Variants in FRMD7 observed in about 807,000 individuals in gnomAD.
The protein encoded by FRMD7 is FERM domain containing 7.
Under a neutral mutation model 44.1 loss-of-function variants are expected in FRMD7, and 14 were observed. That is an observed-to-expected ratio of 0.32 (90% CI 0.21 to 0.50). The LOEUF is 0.50. FRMD7 is among the 20% of genes least tolerant of loss of function. The pLI is 0.99. For synonymous variants in FRMD7, 212 were observed against 187.4 expected (o/e 1.13, Z -1.07); for missense variants, 501 against 522.3 (o/e 0.96, Z 0.40).
At chrX:132,127,485 A>G (rs1602844382) in intron 1 of FRMD7, among the ~76,000 whole-genome samples, 1 of 112,373 alleles carries the variant, frequency 8.9e-6, no homozygotes, top group East Asian at 2.8e-4. Context: ...ATGAACAACA[A>G]TACCTTATTG....
At chrX:132,122,381 C>T (rs1370573359) in intron 1 of FRMD7, among the ~76,000 whole-genome samples, 2 of 111,767 alleles carry the variant, frequency 1.8e-5, no homozygotes, top group African/African-American at 6.5e-5. Flanking sequence ...TGTATTTTTC[C>T]TTCCATAATC....
chrX:132,096,758 T>C lies in FRMD7; in HGVS notation c.284+508A>G, dbSNP rs149784671. On this transcript the variant is annotated intron_variant, in intron 4 of 11. Transcript: ENST00000298542. ...AAAAGTGTAAGTCTAGAAAGTAGAG[T>C]AAGGTTTTGAGGAATGTTTTGTTGA... Among the ~76,000 whole-genome samples the C allele has an allele frequency of 5.8e-3, 614 of 105,818 alleles. 5 individuals carry two copies. The highest frequency in any genetic ancestry group is 0.02 in the African/African-American group (590 of 29,026). 91.9% of individuals were successfully genotyped at this position (105,818 alleles called of 115,157 possible). A position where few individuals can be genotyped will look rare whatever the true frequency, so the allele number is the denominator to read the frequency against.
At chrX:132,126,723 T>A (rs1226309441) in intron 1 of FRMD7, among the ~76,000 whole-genome samples, 2 of 111,911 alleles carry the variant, frequency 1.8e-5, no homozygotes, top group African/African-American at 6.5e-5. Context: ...CAAGAAAGAA[T>A]AGGAAATGCC....
chrX:132,122,968 T>C (rs1929072310), intron 1 of FRMD7, among the ~76,000 whole-genome samples: 1 of 111,716 alleles, frequency 9.0e-6, no homozygotes, highest in South Asian at 3.7e-4. Context: ...AACTTTGACC[T>C]CCAGTCACTG....
intron 1 of FRMD7, among the ~76,000 whole-genome samples, chrX:132,125,674 A>T (rs1472423782): frequency 8.9e-6 from 1 of 112,328 alleles, no homozygotes; most frequent in East Asian, 2.8e-4. Context: ...TTCAACCATG[A>T]TTAAGAAAAG....
chrX:132,078,164 T>A lies in FRMD7; in HGVS notation c.1853A>T (p.His618Leu), dbSNP rs1374041967. ...CATATCCGTAAACAGGTCTGCTTTATGACTGAGAGCAGGACAAGGCCCTAA... is the reference window on the plus strand; with the variant it reads ...CATATCCGTAAACAGGTCTGCTTTAAGACTGAGAGCAGGACAAGGCCCTAA... The part of the protein sequence containing the change: ...RPLGPCPALS[H>L]KADLFTDMFA... Residue 618 changes from histidine (H) to leucine (L), a missense_variant, in exon 12 of 12, where the codon CAT becomes CTT. This residue lies in a region of FRMD7 where 453 missense variants were observed against 452.7 expected (regional missense o/e 1.00). Transcript: ENST00000298542. 14 of 1,209,825 alleles carry A rather than the reference T, an allele frequency of 1.2e-5. No individual in the cohort carries two copies. The highest frequency in any genetic ancestry group is 1.5e-5 in the Non-Finnish European group (13 of 894,823).
intron 1 of FRMD7, among the ~76,000 whole-genome samples, chrX:132,112,142 A>G (rs759863667): frequency 7.3e-4 from 82 of 112,258 alleles, no homozygotes; most frequent in African/African-American, 2.5e-3. Context: ...GAAAGTTTGC[A>G]CTCAGTAAAT....
chrX:132,079,077 T>C (rs1927724737), intron 11 of FRMD7, 111 bp from the exon 12 acceptor site: 1 of 635,883 alleles, frequency 1.6e-6, no homozygotes, highest in Non-Finnish European at 2.6e-6. Flanking sequence ...ATAAAGTCAT[T>C]TAACAAGATC....
intron 10 of FRMD7, 23 bp downstream of exon 10, chrX:132,080,175 G>T: frequency 8.5e-7 from 1 of 1,172,430 alleles, no homozygotes; most frequent in Non-Finnish European, 1.2e-6. Flanking sequence ...ATCAACACGA[G>T]CAAGAGAAAC....
rs994669070 is a variant in FRMD7, at chrX:132,080,066, A to G, written c.990T>C (p.Ser330=). The change falls in exon 11 of 12, where the codon TCT becomes TCC. Residue 330 remains serine, a synonymous_variant. Coordinates refer to ENST00000298542, the MANE Select transcript of FRMD7 (RefSeq NM_194277.3). ...SLPFERKHYP[S]QYHERQCRSS... is the part of the protein sequence containing the mutation. Reference sequence around the variant, plus strand: ...ACCTGCACTGTCGTTCATGGTACTGAGATGGGTAATGTTTCCTGAAATCCC... The same window carrying G: ...ACCTGCACTGTCGTTCATGGTACTGGGATGGGTAATGTTTCCTGAAATCCC... The G allele has an allele frequency of 2.2e-5, 26 of 1,196,493 alleles. No individual in the cohort carries two copies. The highest frequency in any genetic ancestry group is 2.8e-5 in the Non-Finnish European group (25 of 882,959).
chrX:132,113,459 T>C (rs753442028), intron 1 of FRMD7, among the ~76,000 whole-genome samples: 1 of 110,771 alleles, frequency 9.0e-6, no homozygotes, highest in Non-Finnish European at 1.9e-5. Flanking sequence ...GACCTGGGAG[T>C]GGAACCCAGG....
At chrX:132,103,080 C>T (rs1038467139) in intron 1 of FRMD7, among the ~76,000 whole-genome samples, 4 of 111,670 alleles carry the variant, frequency 3.6e-5, no homozygotes, top group Non-Finnish European at 5.6e-5. Flanking sequence ...AGCTTTCCAC[C>T]CCATCTCCGC....
At chrX:132,086,819 C>T (rs1928007155) in intron 5 of FRMD7, among the ~76,000 whole-genome samples, 1 of 111,918 alleles carries the variant, frequency 8.9e-6, no homozygotes, top group African/African-American at 3.2e-5. Context: ...CCATCCTGAT[C>T]ATATATTATC....
chrX:132,118,439 A>G (rs1440586920), intron 1 of FRMD7, among the ~76,000 whole-genome samples: 1 of 109,747 alleles, frequency 9.1e-6, no homozygotes, highest in Admixed American at 9.7e-5. Context: ...AAAAAAACTC[A>G]GCAAAGGGAG....
intron 1 of FRMD7, among the ~76,000 whole-genome samples, chrX:132,115,631 A>G (rs1019668124): frequency 2.0e-4 from 23 of 112,279 alleles, no homozygotes; most frequent in African/African-American, 7.1e-4. Context: ...TACACTCCCA[A>G]TGCAAGATCT....
intron 4 of FRMD7, among the ~76,000 whole-genome samples, chrX:132,095,450 A>C (rs1212010580): frequency 1.8e-5 from 2 of 111,578 alleles, no homozygotes; most frequent in African/African-American, 6.5e-5. Context: ...TTCCCTATAA[A>C]AATGTGATTT....
At chrX:132,096,557 A>C (rs1320016842) in intron 4 of FRMD7, among the ~76,000 whole-genome samples, 1 of 106,760 alleles carries the variant, frequency 9.4e-6, no homozygotes, top group Non-Finnish European at 1.9e-5. Flanking sequence ...CTCTAAAAAA[A>C]AAAAAAAAAC....
At chrX:132,121,835 G>C (rs943074735) in intron 1 of FRMD7, among the ~76,000 whole-genome samples, 1 of 111,704 alleles carries the variant, frequency 9.0e-6, no homozygotes, top group African/African-American at 3.3e-5. Context: ...AAAGGGTTTG[G>C]CTATTTCCAT....
At chrX:132,117,296 G>A (rs995209387) in intron 1 of FRMD7, among the ~76,000 whole-genome samples, 5 of 111,502 alleles carry the variant, frequency 4.5e-5, no homozygotes, top group East Asian at 2.8e-4. Context: ...TGGCCCTGCC[G>A]TCATGAGAAG....
Sources: allele counts gnomAD v4.1 joint callset (sites outside exome capture counted in the v4.1 genomes callset), GRCh38; gene constraint gnomAD v4.1.1; regional missense constraint gnomAD v4.1.1; transcripts MANE v1.5; gene names NCBI Gene and HGNC (gene_info 2026-07-23, HGNC 2026-07-21).